The following DAB1 variants were observed in gnomAD, a reference collection of about 807,000 sequenced individuals.
DAB1 encodes DAB adaptor protein 1, also known as disabled homolog 1.
In DAB1, 15 loss-of-function variants were observed where a neutral mutation model predicts 64.6. The ratio of observed to expected loss-of-function variants is 0.23; its 90% CI spans 0.16 to 0.36. The LOEUF (loss-of-function observed/expected upper bound fraction) is 0.36. Among genes scored for constraint, DAB1 ranks in the 10% least tolerant of loss-of-function variants. The probability of loss-of-function intolerance (pLI) is 1.00; values close to 1 mark genes in which losing one functional copy is unlikely to be tolerated. For synonymous variants in DAB1, 235 were observed against 251.9 expected (o/e 0.93, Z 0.64); for missense variants, 596 against 706.7 (o/e 0.84, Z 1.78).
At chr1:57,335,862 C>A (rs1677038140) in intron 1 of DAB1, among the ~76,000 whole-genome samples, 1 of 152,128 alleles carries the variant, frequency 6.6e-6, no homozygotes, top group Admixed American at 6.5e-5. Flanking sequence ...TCCCTGGTTA[C>A]AAATAGGAAT....
At chr1:57,632,753 G>T (rs914390369) in intron 7 of DAB1, among the ~76,000 whole-genome samples, 1 of 152,218 alleles carries the variant, frequency 6.6e-6, no homozygotes, top group Non-Finnish European at 1.5e-5. Flanking sequence ...GTGTTATTTA[G>T]AATGGAGTAA....
intron 2 of DAB1, among the ~76,000 whole-genome samples, chr1:57,183,444 T>C (rs866351891): frequency 6.6e-6 from 1 of 152,102 alleles, no homozygotes; most frequent in Non-Finnish European, 1.5e-5. Flanking sequence ...GTTGCCACGA[T>C]TATGGGTTGA....
At chr1:58,239,496 A>G (rs1244132615) in intron 4 of DAB1, among the ~76,000 whole-genome samples, 1 of 152,216 alleles carries the variant, frequency 6.6e-6, no homozygotes, top group Non-Finnish European at 1.5e-5. Context: ...CTATTTGGCT[A>G]CAGCAAACCC....
intron 4 of DAB1, among the ~76,000 whole-genome samples, chr1:57,090,890 T>C (rs1035016347): frequency 2.0e-5 from 3 of 152,172 alleles, no homozygotes; most frequent in Admixed American, 1.3e-4. Context: ...GTAGCAGCAT[T>C]AGAGTCTCAT....
intron 4 of DAB1, among the ~76,000 whole-genome samples, chr1:57,133,578 T>C (rs1657816325): frequency 6.6e-6 from 1 of 152,192 alleles, no homozygotes; most frequent in Non-Finnish European, 1.5e-5. Flanking sequence ...AAGCTAATAA[T>C]AAAACAAAAT....
intron 3 of DAB1, among the ~76,000 whole-genome samples, chr1:58,388,006 C>T (rs1328386434): frequency 2.0e-5 from 3 of 152,012 alleles, no homozygotes; most frequent in African/African-American, 4.8e-5. Context: ...GGATTATAGG[C>T]GTGAGCCACC....
intron 2 of DAB1, among the ~76,000 whole-genome samples, chr1:57,152,529 G>C (rs1302082079): frequency 2.6e-5 from 4 of 152,174 alleles, no homozygotes; most frequent in Non-Finnish European, 4.4e-5. Context: ...AGCAGTAACT[G>C]CCTGGAAAGA....
intron 5 of DAB1, among the ~76,000 whole-genome samples, chr1:58,008,693 A>C (rs1473830592): frequency 1.3e-5 from 2 of 152,160 alleles, no homozygotes; most frequent in African/African-American, 4.8e-5. Flanking sequence ...AATTGTAAGA[A>C]AATTGATTCC....
At chr1:58,025,540 A>C (rs1646876493) in intron 5 of DAB1, among the ~76,000 whole-genome samples, 1 of 148,436 alleles carries the variant, frequency 6.7e-6, no homozygotes, top group Non-Finnish European at 1.5e-5. Context: ...TGAGCTATAA[A>C]TATAATATTA....
At chr1:57,651,249 A>C (rs1257692165) in intron 6 of DAB1, among the ~76,000 whole-genome samples, 8 of 152,188 alleles carry the variant, frequency 5.3e-5, no homozygotes, top group African/African-American at 1.9e-4. Flanking sequence ...ATGTATTCCA[A>C]GACCAAGAAT....
chr1:57,050,552 TC>T (rs1389602674), intron 9 of DAB1, among the ~76,000 whole-genome samples: 1 of 152,164 alleles, frequency 6.6e-6, no homozygotes, highest in East Asian at 1.9e-4. Flanking sequence ...AGTTCCTTCT[TC>T]CTGAATACTG....
chr1:57,579,707 GGGAACCTGT>G (rs1428538624), intron 7 of DAB1, among the ~76,000 whole-genome samples: 1 of 152,148 alleles, frequency 6.6e-6, no homozygotes, highest in African/African-American at 2.4e-5. Context: ...AGAGGACAGT[GGGAACCTGT>G]GGTGTATAAC....
chr1:57,522,881 G>A (rs1245645149), intron 7 of DAB1, among the ~76,000 whole-genome samples: 4 of 152,198 alleles, frequency 2.6e-5, no homozygotes, highest in Admixed American at 2.6e-4. Context: ...TGGTGCTGGA[G>A]GTTTCTTGCC....
At chr1:58,494,275 G>T (rs1645753662) in intron 3 of DAB1, among the ~76,000 whole-genome samples, 1 of 152,092 alleles carries the variant, frequency 6.6e-6, no homozygotes, top group African/African-American at 2.4e-5. Context: ...ATTCAAGATG[G>T]ATTAAAGACT....
At chr1:57,594,850 A>G (rs1200808341) in intron 7 of DAB1, among the ~76,000 whole-genome samples, 1 of 152,022 alleles carries the variant, frequency 6.6e-6, no homozygotes. Flanking sequence ...AGCTGGGACT[A>G]CAGGCGCCTG....
At chr1:57,856,882 C>A (rs1407842316) in intron 1 of DAB1, among the ~76,000 whole-genome samples, 2 of 152,198 alleles carry the variant, frequency 1.3e-5, no homozygotes, top group Non-Finnish European at 2.9e-5. Flanking sequence ...GAATGATACA[C>A]TCAGGGTCGG....
At chr1:57,122,859 A>C (rs891347424) in intron 4 of DAB1, among the ~76,000 whole-genome samples, 1 of 152,126 alleles carries the variant, frequency 6.6e-6, no homozygotes, top group Non-Finnish European at 1.5e-5. Flanking sequence ...GCACATCATC[A>C]AGGAGAATTT....
intron 4 of DAB1, among the ~76,000 whole-genome samples, chr1:57,100,894 T>G (rs1041083439): frequency 3.9e-5 from 6 of 152,136 alleles, no homozygotes; most frequent in Non-Finnish European, 4.4e-5. Context: ...AAATCATGAA[T>G]AATAATAATA....
chr1:58,388,636 AC>A (rs1238698953), intron 3 of DAB1, among the ~76,000 whole-genome samples: 1 of 152,230 alleles, frequency 6.6e-6, no homozygotes, highest in East Asian at 1.9e-4. Flanking sequence ...ACAAAACAGA[AC>A]AAAAATCTTC....
Sources: allele counts gnomAD v4.1 joint callset (sites outside exome capture counted in the v4.1 genomes callset), GRCh38; gene constraint gnomAD v4.1.1; transcripts MANE v1.5; gene names NCBI Gene and HGNC (gene_info 2026-07-23, HGNC 2026-07-21).